ALDH1A3: variants seen among roughly 807,000 people sequenced by gnomAD.
ALDH1A3 encodes aldehyde dehydrogenase 1 family member A3.
Under a neutral mutation model 57.5 loss-of-function variants are expected in ALDH1A3, and 28 were observed. The ratio of observed to expected loss-of-function variants is 0.49; its 90% CI spans 0.36 to 0.67. The LOEUF is 0.67. Among genes scored for constraint, ALDH1A3 ranks in the 30% least tolerant of loss-of-function variants. The pLI is 0.00. For missense variants in ALDH1A3, 507 were observed against 669.4 expected, an observed-to-expected ratio of 0.76 and a Z score of 2.68; for synonymous variants, 281 against 264.8, an observed-to-expected ratio of 1.06 and a Z score of -0.59.
intron 3 of ALDH1A3, among the ~76,000 whole-genome samples, chr15:100,891,031 C>T (rs2041643610): frequency 6.6e-6 from 1 of 152,164 alleles, no homozygotes; most frequent in African/African-American, 2.4e-5. Context: ...TTTAGCAACC[C>T]AGTGCGCTGT....
At position 100,887,262 on chromosome 15, in the gene ALDH1A3, CAA is replaced by C. The variant is rs930787002; in HGVS notation, c.205-307_205-306del. Among the ~76,000 whole-genome samples the C allele has an allele frequency of 2.6e-5, 4 of 152,082 alleles. No homozygotes were observed. ...CCGTGGTCCCAAACTGCAGTCACGT[CAA>C]AAGATGACACCCAAACTGCAGTCAC... On this transcript the variant is annotated intron_variant, in intron 2 of 12. Transcript: ENST00000329841. This position sits in a 1 kb window ranked among gnomAD's most constrained non-coding sequence, Gnocchi z 4.6.
At position 100,893,738 on chromosome 15, in the gene ALDH1A3, C is replaced by T. The variant is rs559388536; in HGVS notation, c.538-216C>T. The T allele has an allele frequency of 2.4e-3, 1,251 of 514,926 alleles. 4 individuals are homozygous for T. Among genetic ancestry groups the T allele is most frequent in the Non-Finnish European group, 3.4e-3 (1,009 of 300,446 alleles). The allele number at this position is 514,926 out of a possible 1,614,324, so 31.9% of individuals were successfully genotyped here. On this transcript the variant is annotated intron_variant, in intron 5 of 12. Transcript: ENST00000329841. This position sits in a 1 kb window ranked among gnomAD's most constrained non-coding sequence, Gnocchi z 4.8. ...GAGGTAGAACACATGCAACAGCATC[C>T]TCTTTGCAAAGGCTGCCTATTAGTA...
intron 12 of ALDH1A3, among the ~76,000 whole-genome samples, chr15:100,909,982 A>C (rs1043503967): frequency 3.3e-5 from 5 of 152,178 alleles, no homozygotes; most frequent in African/African-American, 1.2e-4. Context: ...ACAGACTCAA[A>C]CGCTTCCCCT....
intron 12 of ALDH1A3, 111 bp downstream of exon 12, chr15:100,908,593 C>T: frequency 2.0e-6 from 2 of 976,774 alleles, no homozygotes; most frequent in South Asian, 1.5e-5. Context: ...CCCCACACCG[C>T]CGCTCTGTCT....
intron 1 of ALDH1A3, among the ~76,000 whole-genome samples, chr15:100,882,931 TA>T (rs2041559801): frequency 6.6e-6 from 1 of 152,178 alleles, no homozygotes; most frequent in African/African-American, 2.4e-5. Flanking sequence ...TGGTATAAAG[TA>T]AAAGATTTTA....
At chr15:100,886,830 C>G (rs1465838153) in intron 2 of ALDH1A3, among the ~76,000 whole-genome samples, 1 of 152,190 alleles carries the variant, frequency 6.6e-6, no homozygotes, top group African/African-American at 2.4e-5. Context: ...CCTTCATGCT[C>G]CTCCCTGTCT....
rs749591118 is a variant in ALDH1A3, at chr15:100,892,666, T to A, written c.475+27T>A. ...TGAGCAAGGTGGATTATAGCTTCATTTGGGATCCCTTTGGGGCTATATCTT... is the reference window on the plus strand; with the variant it reads ...TGAGCAAGGTGGATTATAGCTTCATATGGGATCCCTTTGGGGCTATATCTT... On this transcript the variant is annotated intron_variant, in intron 4 of 12. Coordinates refer to ENST00000329841, the MANE Select transcript of ALDH1A3 (RefSeq NM_000693.4). 4.4e-6 allele frequency: 7 copies of A among 1,591,750 alleles called. No homozygotes were observed. The South Asian group carries it at 5.8e-5, about 13-fold the overall frequency.
chr15:100,886,337 A>G (rs973057115), intron 2 of ALDH1A3, among the ~76,000 whole-genome samples: 1 of 152,214 alleles, frequency 6.6e-6, no homozygotes, highest in Non-Finnish European at 1.5e-5. Flanking sequence ...GGTTTCCACT[A>G]GGAGACTCCC....
intron 12 of ALDH1A3, chr15:100,913,072 G>C (rs1215330789): frequency 2.4e-5 from 1 of 41,926 alleles, no homozygotes; most frequent in African/African-American, 8.3e-5. Context: ...GCAGGAGAAT[G>C]GCGTGAACCC....
Position 100,892,956 on chromosome 15 carries a change from G to T in ALDH1A3, c.487G>T (p.Val163Leu). The change falls in exon 5 of 13, where the codon GTG becomes TTG. Residue 163 changes from valine (V) to leucine (L), a missense_variant. Physicochemically the swap from Val to Leu is conservative, Grantham distance 32. Coordinates refer to ENST00000329841, the MANE Select transcript of ALDH1A3 (RefSeq NM_000693.4). Reference protein sequence around the residue: ...GKTIPTDDNVVCFTRHEPIGV... With the variant: ...GKTIPTDDNVLCFTRHEPIGV... ...TAACCCTCTTCCAGATGACAACGTC[G>T]TGTGCTTCACCAGGCATGAGCCCAT... 1.2e-6 allele frequency: 2 copies of T among 1,614,070 alleles called. No individual in the cohort carries two copies. Among genetic ancestry groups the T allele is most frequent in the Non-Finnish European group, 1.7e-6 (2 of 1,179,988 alleles).
chr15:100,914,465 A>C, intron 12 of ALDH1A3: 1 of 419,576 alleles, frequency 2.4e-6, no homozygotes, highest in East Asian at 3.7e-5. Flanking sequence ...AGTCCTGGCC[A>C]TTTCAAAAGC....
rs1312102419 is a variant in ALDH1A3 at position 100,879,895 on chromosome 15, G to A, written c.-13G>A. On this transcript the variant is annotated 5_prime_UTR_variant, in exon 1 of 13. Transcript: ENST00000329841. ...AGACTAGGGCGCCTCGGGCCAGGGAGCGCGGAGGAGCCATGGCCACCGCTA... is the reference window on the plus strand; with the variant it reads ...AGACTAGGGCGCCTCGGGCCAGGGAACGCGGAGGAGCCATGGCCACCGCTA... 19 of 1,408,230 alleles carry A rather than the reference G, an allele frequency of 1.3e-5. No individual in the cohort carries two copies. Among genetic ancestry groups the A allele is most frequent in the Non-Finnish European group, 1.8e-5 (19 of 1,076,002 alleles). 87.2% of individuals were successfully genotyped at this position (1,408,230 alleles called of 1,614,324 possible).
Position 100,894,203 on chromosome 15 carries a change from A to ATTCC in ALDH1A3, c.666+121_666+122insTTCC. The ATTCC allele has an allele frequency of 7.8e-7, 1 of 1,286,518 alleles. No individual in the cohort carries two copies. Among genetic ancestry groups the ATTCC allele is most frequent in the African/African-American group, 1.5e-5 (1 of 67,554 alleles). 79.7% of individuals were successfully genotyped at this position (1,286,518 alleles called of 1,614,324 possible). A position where few individuals can be genotyped will look rare whatever the true frequency, so the allele number is the denominator to read the frequency against. On this transcript the variant is annotated intron_variant, in intron 6 of 12. Transcript: ENST00000329841. This position sits in a 1 kb window ranked among gnomAD's most constrained non-coding sequence, Gnocchi z 4.5. ...CTGGCAATCGAGTGGGAAGGGAATG[A>ATTCC]CTTCCAGTGTTTTGTTTGGCGACTG...
chr15:100,884,651 A>G (rs1169738612), intron 1 of ALDH1A3, among the ~76,000 whole-genome samples: 1 of 151,780 alleles, frequency 6.6e-6, no homozygotes, highest in Non-Finnish European at 1.5e-5. Flanking sequence ...GACATAGGTA[A>G]ACATGCGCCA....
Position 100,892,931 on chromosome 15 carries a change from T to G in ALDH1A3, c.476-14T>G, listed in dbSNP as rs1160252756. 6.2e-7 allele frequency: 1 copy of G among 1,613,760 alleles called. No homozygotes were observed. The highest frequency in any genetic ancestry group is 1.1e-5 in the South Asian group (1 of 91,024). On this transcript the variant is annotated splice_polypyrimidine_tract_variant and intron_variant, in intron 4 of 12. Transcript: ENST00000329841. ...AGTGAGTGTGTCCTTCCCCACCATG[T>G]AACCCTCTTCCAGATGACAACGTCG...
rs1596138254 is a variant in ALDH1A3 at position 100,914,642 on chromosome 15, T to C, written c.1467-59T>C. ...GGAATGATGAAGCCTCAGAACAGTT[T>C]CTACACAATGGCTAAGGGATGTACC... On this transcript the variant is annotated intron_variant, in intron 12 of 12. Coordinates refer to ENST00000329841, the MANE Select transcript of ALDH1A3 (RefSeq NM_000693.4). 5 of 1,537,990 alleles carry C rather than the reference T, an allele frequency of 3.3e-6. No individual in the cohort carries two copies. The East Asian group carries it at 9.1e-5, about 28-fold the overall frequency.
At chr15:100,892,772 ATTC>A (rs2041663221) in intron 4 of ALDH1A3, 133 bp downstream of exon 4, 1 of 1,382,934 alleles carries the variant, frequency 7.2e-7, no homozygotes, top group African/African-American at 1.5e-5. Context: ...GGTACTGCCA[ATTC>A]TTCTTCTAAG....
intron 12 of ALDH1A3, chr15:100,913,794 C>T (rs942967027): frequency 2.0e-5 from 3 of 152,314 alleles, no homozygotes; most frequent in South Asian, 2.1e-4. Context: ...CTGGGGACCA[C>T]ACTTTGAGAA....
rs761187044 is a variant in ALDH1A3, at chr15:100,916,599, GATAAA to G, written c.*1834_*1838del. 4.6e-5 allele frequency: 7 copies of G among 152,364 alleles called. No individual in the cohort carries two copies. In the South Asian group the frequency reaches 1.2e-3, roughly 27 times the overall value. The allele number at this position is 152,364 out of a possible 1,614,324, so 9.4% of individuals were successfully genotyped here. ...AGATCGCATCCCACAATGCGAGAATGATAAAATAAAATTGGATATTTGAGAAACAT... is the reference window on the plus strand; with the variant it reads ...AGATCGCATCCCACAATGCGAGAATGATAAAATTGGATATTTGAGAAACAT... On this transcript the variant is annotated 3_prime_UTR_variant, in exon 13 of 13. Coordinates refer to ENST00000329841, the MANE Select transcript of ALDH1A3 (RefSeq NM_000693.4).
Sources: gnomAD v4.1 joint callset for allele counts (sites outside exome capture counted in the v4.1 genomes callset) on GRCh38, gnomAD v4.1.1 for gene constraint, Gnocchi (gnomAD v3.1) non-coding constraint, MANE v1.5 for transcripts, NCBI Gene and HGNC (gene_info 2026-07-23, HGNC 2026-07-21) for gene names.